Variants in PARM1 observed in about 807,000 individuals in gnomAD.
The protein encoded by PARM1 is prostate androgen-regulated mucin-like protein 1.
Under a neutral mutation model 24.6 loss-of-function variants are expected in PARM1, and 14 were observed. That is an observed-to-expected ratio of 0.57 (90% CI 0.38 to 0.89). The LOEUF (loss-of-function observed/expected upper bound fraction) is 0.89. PARM1 is among the 40% of genes least tolerant of loss of function. The probability of loss-of-function intolerance (pLI) is 0.00; values close to 1 mark genes in which losing one functional copy is unlikely to be tolerated. For synonymous variants in PARM1, 179 were observed against 156.6 expected (o/e 1.14, Z -1.07); for missense variants, 362 against 380.4 (o/e 0.95, Z 0.40).
intron 1 of PARM1, among the ~76,000 whole-genome samples, chr4:74,970,672 C>T (rs1722012850): frequency 6.6e-6 from 1 of 152,182 alleles, no homozygotes; most frequent in African/African-American, 2.4e-5. Context: ...ATCCAGAGAC[C>T]CTCTCTTACC....
intron 1 of PARM1, among the ~76,000 whole-genome samples, chr4:74,958,297 A>G (rs536270759): frequency 5.3e-5 from 8 of 152,288 alleles, no homozygotes; most frequent in African/African-American, 1.7e-4. Flanking sequence ...TAATTAAGGC[A>G]CAGCCTTCAT....
At chr4:74,955,919 T>C (rs553715722) in intron 1 of PARM1, 2 of 152,244 alleles carry the variant, frequency 1.3e-5, no homozygotes, top group East Asian at 1.9e-4. Flanking sequence ...AAGCTACTTA[T>C]GTTTGCAAAG....
chr4:75,046,365 T>C lies in PARM1; in HGVS notation c.*118T>C. On this transcript the variant is annotated 3_prime_UTR_variant, in exon 4 of 4. Transcript: ENST00000307428. ...ACAATCTTAAGCCCTGTTTTGTTGG[T>C]ATGGTTGTTTTTGTTTTCCTCCCTC... is the stretch of plus-strand genomic sequence containing the variant. The C allele has an allele frequency of 1.5e-6, 1 of 670,008 alleles. No homozygotes were observed. Among genetic ancestry groups the C allele is most frequent in the Non-Finnish European group, 2.6e-6 (1 of 387,886 alleles). 41.5% of individuals were successfully genotyped at this position (670,008 alleles called of 1,614,324 possible). A position where few individuals can be genotyped will look rare whatever the true frequency, so the allele number is the denominator to read the frequency against.
At chr4:75,037,598 C>G (rs1238316453) in intron 3 of PARM1, among the ~76,000 whole-genome samples, 3 of 152,140 alleles carry the variant, frequency 2.0e-5, no homozygotes, top group Admixed American at 2.0e-4. Flanking sequence ...GTAACCTGAG[C>G]CACTTTTGGA....
chr4:74,938,986 C>G (rs1044644897), intron 1 of PARM1, among the ~76,000 whole-genome samples: 1 of 152,098 alleles, frequency 6.6e-6, no homozygotes, highest in Admixed American at 6.5e-5. Flanking sequence ...CAAAGGTTGT[C>G]CAGTCAAATT....
At chr4:75,020,314 T>G (rs1229123330) in intron 2 of PARM1, among the ~76,000 whole-genome samples, 1 of 152,180 alleles carries the variant, frequency 6.6e-6, no homozygotes, top group African/African-American at 2.4e-5. Context: ...CTGGTCGTCT[T>G]ACGGTGAGTG....
intron 1 of PARM1, among the ~76,000 whole-genome samples, chr4:74,998,232 C>T (rs1191599885): frequency 1.3e-5 from 2 of 152,154 alleles, no homozygotes; most frequent in Non-Finnish European, 2.9e-5. Context: ...ACAAATGAAG[C>T]ACCGAAGATG....
rs529264123 is a variant in PARM1 at position 75,046,873 on chromosome 4, G to C, written c.*626G>C. 1.3e-5 allele frequency: 2 copies of C among 152,632 alleles called. No homozygotes were observed. The highest frequency in any genetic ancestry group is 4.1e-4 in the South Asian group (2 of 4,830). The allele number at this position is 152,632 out of a possible 1,614,324, so 9.5% of individuals were successfully genotyped here. Reference sequence around the variant, plus strand: ...GAGGGGGCCAGCAGGTCACGGGGCAGAATCTCTCAGGTTGCTGTGGGATCT... The same window carrying C: ...GAGGGGGCCAGCAGGTCACGGGGCACAATCTCTCAGGTTGCTGTGGGATCT... On this transcript the variant is annotated 3_prime_UTR_variant, in exon 4 of 4. Coordinates refer to ENST00000307428, the MANE Select transcript of PARM1 (RefSeq NM_015393.4).
intron 1 of PARM1, among the ~76,000 whole-genome samples, chr4:74,955,157 A>G (rs1012976611): frequency 3.3e-5 from 5 of 152,208 alleles, no homozygotes; most frequent in Non-Finnish European, 7.3e-5. Flanking sequence ...AGGATAAATG[A>G]AATGTTCTGC....
intron 1 of PARM1, among the ~76,000 whole-genome samples, chr4:75,003,474 C>G (rs953132257): frequency 6.6e-6 from 1 of 152,096 alleles, no homozygotes; most frequent in Non-Finnish European, 1.5e-5. Context: ...AGTCATTCAC[C>G]AGGTCTGCAG....
intron 1 of PARM1, 120 bp downstream of exon 1, chr4:74,933,490 C>A: frequency 3.7e-6 from 3 of 817,546 alleles, no homozygotes; most frequent in South Asian, 2.9e-5. Flanking sequence ...CGGGTGAGTG[C>A]GCAGGTGTGT....
chr4:74,981,111 T>G, intron 1 of PARM1, among the ~76,000 whole-genome samples: 1 of 152,018 alleles, frequency 6.6e-6, no homozygotes, highest in Admixed American at 6.6e-5. Flanking sequence ...CATTGAAAAA[T>G]GAGATCTAAT....
Position 74,933,261 on chromosome 4 carries a change from G to A in PARM1, c.-67G>A, listed in dbSNP as rs1578017566. 7.0e-6 allele frequency: 10 copies of A among 1,437,814 alleles called. No homozygotes were observed. The highest frequency in any genetic ancestry group is 8.8e-6 in the Non-Finnish European group (9 of 1,025,902). 89.1% of individuals were successfully genotyped at this position (1,437,814 alleles called of 1,614,324 possible). On this transcript the variant is annotated 5_prime_UTR_variant, in exon 1 of 4. It adds an upstream start codon to the 5' untranslated region. Coordinates refer to ENST00000307428, the MANE Select transcript of PARM1 (RefSeq NM_015393.4). ...GCAGAGGAGTCGCTACCAGCGCCCAGTGCGCTCTGTCAGTCCGCAAACTCC... is the reference window on the plus strand; with the variant it reads ...GCAGAGGAGTCGCTACCAGCGCCCAATGCGCTCTGTCAGTCCGCAAACTCC...
chr4:74,982,361 A>G (rs1037216054), intron 1 of PARM1, among the ~76,000 whole-genome samples: 2 of 152,170 alleles, frequency 1.3e-5, no homozygotes, highest in African/African-American at 4.8e-5. Context: ...CTTAATACCT[A>G]GGTGATGGCT....
At chr4:75,006,295 C>A (rs1013514247) in intron 1 of PARM1, among the ~76,000 whole-genome samples, 1 of 139,842 alleles carries the variant, frequency 7.2e-6, no homozygotes, top group Non-Finnish European at 1.6e-5. Flanking sequence ...GTCCCCCCTC[C>A]CCCCACCCTA....
intron 1 of PARM1, among the ~76,000 whole-genome samples, chr4:75,000,389 AT>A (rs996522427): frequency 6.6e-6 from 1 of 152,156 alleles, no homozygotes; most frequent in Non-Finnish European, 1.5e-5. Flanking sequence ...AAGTCTGGAG[AT>A]AGGCATCCTA....
At chr4:74,958,131 G>A (rs925796519) in intron 1 of PARM1, among the ~76,000 whole-genome samples, 1 of 152,170 alleles carries the variant, frequency 6.6e-6, no homozygotes, top group African/African-American at 2.4e-5. Context: ...GTAATAAATA[G>A]CATCTAAAAC....
At chr4:74,968,666 T>G (rs1721960644) in intron 1 of PARM1, among the ~76,000 whole-genome samples, 1 of 152,232 alleles carries the variant, frequency 6.6e-6, no homozygotes, top group African/African-American at 2.4e-5. Flanking sequence ...TGCTTTCTTT[T>G]GCCAATGATC....
At position 75,002,455 on chromosome 4, in the gene PARM1, AT is replaced by A. The variant is rs34718906; in HGVS notation, c.44-9956del. Among the ~76,000 whole-genome samples, 1,290 of 145,664 alleles carry A rather than the reference AT, an allele frequency of 8.9e-3. 7 individuals are homozygous for A. Among genetic ancestry groups the A allele is most frequent in the African/African-American group, 0.018 (737 of 39,990 alleles). On this transcript the variant is annotated intron_variant, in intron 1 of 3. Coordinates refer to ENST00000307428, the MANE Select transcript of PARM1 (RefSeq NM_015393.4). ...TTTTTATCTTTTTAGTCCCATGAGA[AT>A]TTTTTTTTTTTTTAATTTCAGTGAA... is the stretch of plus-strand genomic sequence containing the variant.
Sources: gnomAD v4.1 joint callset for allele counts (sites outside exome capture counted in the v4.1 genomes callset) on GRCh38, gnomAD v4.1.1 for gene constraint, MANE v1.5 for transcripts, NCBI Gene and HGNC (gene_info 2026-07-23, HGNC 2026-07-21) for gene names.